KIF20B: variants seen among roughly 807,000 people sequenced by gnomAD.
KIF20B encodes kinesin-like protein KIF20B.
KIF20B carries 188 observed loss-of-function variants against 232.5 expected under a neutral mutation model. The ratio of observed to expected loss-of-function variants is 0.81; its 90% CI spans 0.72 to 0.91. The LOEUF is 0.91. KIF20B is among the 40% of genes least tolerant of loss of function. The pLI is 0.00. For missense variants in KIF20B, 2,154 were observed against 2,055.9 expected (o/e 1.05, Z -0.92); for synonymous variants, 712 against 683.0 (o/e 1.04, Z -0.66).
rs1002079271 is a variant in KIF20B, at chr10:89,738,051, C to A, written c.3210C>A (p.Ala1070=). 3.1e-6 allele frequency: 5 copies of A among 1,613,058 alleles called. No individual in the cohort carries two copies. In the African/African-American group the frequency reaches 6.7e-5, roughly 22 times the overall value. The stretch of plus-strand genomic sequence containing the variant: ...AAGAATGTAAAGAGATTGTGAAGGC[C>A]TCTTCCAAAAAAAGTCATCAGATTG... The part of the protein sequence containing the change: ...IWEECKEIVK[A]SSKKSHQIEE... Residue 1070 remains alanine (A), a synonymous_variant, in exon 20 of 33, where the codon GCC becomes GCA. Transcript: ENST00000371728.
intron 19 of KIF20B, among the ~76,000 whole-genome samples, chr10:89,735,433 A>G (rs1233579986): frequency 1.3e-5 from 2 of 152,174 alleles, no homozygotes; most frequent in Non-Finnish European, 2.9e-5. Flanking sequence ...ATAAAATATA[A>G]AGAGCTGAGA....
At chr10:89,705,205 G>A (rs1842696484) in intron 1 of KIF20B, 89 bp from the exon 2 acceptor site, 2 of 1,039,646 alleles carry the variant, frequency 1.9e-6, no homozygotes. Flanking sequence ...GTTATTTGGA[G>A]GGAAGTAGTG....
intron 4 of KIF20B, 144 bp from the exon 5 acceptor site, chr10:89,709,783 T>C: frequency 1.9e-6 from 1 of 533,674 alleles, no homozygotes; most frequent in Admixed American, 4.2e-5. Flanking sequence ...AGTAAAACTA[T>C]CAAATGTATT....
chr10:89,707,920 T>A (rs559680828), intron 2 of KIF20B, among the ~76,000 whole-genome samples: 1 of 152,314 alleles, frequency 6.6e-6, no homozygotes. Flanking sequence ...GAGATAAAAG[T>A]TTCTCTTCAT....
At chr10:89,727,830 A>G in intron 16 of KIF20B, 26 bp from the exon 17 acceptor site, 1 of 1,522,626 alleles carries the variant, frequency 6.6e-7, no homozygotes, top group Non-Finnish European at 9.0e-7. Context: ...TTAGATATTT[A>G]TTTTCAATGT....
At chr10:89,732,278 C>G (rs959814221) in intron 18 of KIF20B, among the ~76,000 whole-genome samples, 13 of 151,982 alleles carry the variant, frequency 8.6e-5, no homozygotes, top group Admixed American at 2.6e-4. Flanking sequence ...AGGCATGGAC[C>G]ACAACACCTG....
intron 18 of KIF20B, among the ~76,000 whole-genome samples, chr10:89,729,871 A>G (rs78954797): frequency 0.027 from 4,088 of 152,236 alleles, 361 homozygotes; most frequent in East Asian, 0.27. Context: ...GCTCCTTCAA[A>G]TTATTCTTTT....
chr10:89,738,689 T>C, intron 20 of KIF20B, 72 bp downstream of exon 20: 1 of 1,458,126 alleles, frequency 6.9e-7, no homozygotes. Context: ...TTTAAAAAAG[T>C]TAGATAGTCA....
At chr10:89,747,256 G>A (rs2133144372) in intron 23 of KIF20B, among the ~76,000 whole-genome samples, 1 of 152,130 alleles carries the variant, frequency 6.6e-6, no homozygotes, top group Admixed American at 6.5e-5. Flanking sequence ...GAGAGGATGT[G>A]GAGAAATGGG....
chr10:89,726,227 A>G, intron 15 of KIF20B, 66 bp from the exon 16 acceptor site: 1 of 1,387,880 alleles, frequency 7.2e-7, no homozygotes, highest in Non-Finnish European at 9.4e-7. Context: ...TCTAAATTAG[A>G]TGGTACCACA....
chr10:89,702,225 C>T (rs1368905989), intron 1 of KIF20B, among the ~76,000 whole-genome samples: 2 of 152,024 alleles, frequency 1.3e-5, no homozygotes, highest in Non-Finnish European at 2.9e-5. Flanking sequence ...CCTGTGGTAG[C>T]CTCTGTGCAC....
Position 89,719,490 on chromosome 10 carries a change from A to G in KIF20B, c.1506A>G (p.Val502=). 2 of 1,608,252 alleles carry G rather than the reference A, an allele frequency of 1.2e-6. No individual in the cohort carries two copies. The highest frequency in any genetic ancestry group is 1.7e-6 in the Non-Finnish European group (2 of 1,176,150). The change falls in exon 13 of 33, where the codon GTA becomes GTG. Residue 502 remains valine, a synonymous_variant. Coordinates refer to ENST00000371728, the MANE Select transcript of KIF20B (RefSeq NM_001284259.2). ...LFGPVKSSQD[V]SLDSNSNSKI... ...GACCTGTCAAATCTTCTCAAGATGT[A>G]TCACTAGACAGTAATTCAAACAGTA...
rs1230912039 is a variant in KIF20B, at chr10:89,745,936, A to C, written c.4073A>C (p.Gln1358Pro). The change falls in exon 23 of 33, where the codon CAA becomes CCA. Residue 1358 changes from glutamine (Q) to proline (P), a missense_variant. Coordinates refer to ENST00000371728, the MANE Select transcript of KIF20B (RefSeq NM_001284259.2). ...AATCAGAAAGTGGAAGAAGCTATAC[A>C]ACAGTATGAGAGAGCATGCAAAGGT... The part of the protein sequence containing the change: ...LNNQKVEEAI[Q>P]QYERACKDLN... 1.2e-6 allele frequency: 2 copies of C among 1,611,598 alleles called. No individual in the cohort carries two copies. Among genetic ancestry groups the C allele is most frequent in the Non-Finnish European group, 1.7e-6 (2 of 1,177,692 alleles).
At chr10:89,711,194 A>C in intron 6 of KIF20B, 49 bp downstream of exon 6, 1 of 1,188,252 alleles carries the variant, frequency 8.4e-7, no homozygotes, top group Non-Finnish European at 1.2e-6. Flanking sequence ...CTGACTTCTT[A>C]TAAACCCTTT....
chr10:89,712,311 C>T (rs535703476), intron 6 of KIF20B, among the ~76,000 whole-genome samples: 4 of 151,492 alleles, frequency 2.6e-5, no homozygotes, highest in South Asian at 2.1e-4. Context: ...TGGAGTATAG[C>T]GGTATGATCA....
At chr10:89,749,981 G>A (rs1841991458) in intron 23 of KIF20B, among the ~76,000 whole-genome samples, 1 of 152,098 alleles carries the variant, frequency 6.6e-6, no homozygotes, top group East Asian at 1.9e-4. Context: ...AATATCTTTA[G>A]ATAGCTATGA....
At chr10:89,722,932 A>T (rs1301057183) in intron 13 of KIF20B, among the ~76,000 whole-genome samples, 1 of 152,194 alleles carries the variant, frequency 6.6e-6, no homozygotes, top group Non-Finnish European at 1.5e-5. Flanking sequence ...TAAATTGTGA[A>T]AAGTATGAAT....
In KIF20B at chr10:89,717,576, A is replaced by G. The variant is rs1554849448; in HGVS notation, c.1125A>G (p.Glu375=). The change falls in exon 11 of 33, where the codon GAA becomes GAG. Residue 375 remains glutamate (E), a splice_region_variant and synonymous_variant. Transcript: ENST00000371728. ...AAGTACTTTTTTTTTCTTAATTCAG[A>G]TTATCTTTATGTGATCTTGCTGGTT... ...SEMSRVIRVS[E]LSLCDLAGSE... The G allele has an allele frequency of 6.2e-7, 1 of 1,604,288 alleles. No individual in the cohort carries two copies.
Position 89,753,209 on chromosome 10 carries a change from T to G in KIF20B, c.4347+518T>G, listed in dbSNP as rs187789604. Among the ~76,000 whole-genome samples the G allele has an allele frequency of 5.2e-3, 798 of 152,122 alleles. 2 individuals carry two copies. The highest frequency in any genetic ancestry group is 7.3e-3 in the Non-Finnish European group (493 of 67,992). ...CAACATATGGGGGAAACTTTTTTTT[T>G]CGTAGGATTTACCAAATACTATTTC... On this transcript the variant is annotated intron_variant, in intron 25 of 32. Transcript: ENST00000371728.
Sources: allele counts gnomAD v4.1 joint callset (sites outside exome capture counted in the v4.1 genomes callset), GRCh38; gene constraint gnomAD v4.1.1; transcripts MANE v1.5; gene names NCBI Gene and HGNC (gene_info 2026-07-23, HGNC 2026-07-21).